Variants in GOLPH3 observed in about 807,000 individuals in gnomAD.
The protein encoded by GOLPH3 is coat protein GPP34.
A neutral mutation model predicts 28.5 loss-of-function variants in GOLPH3; 14 were observed. The ratio of observed to expected loss-of-function variants is 0.49; its 90% CI spans 0.32 to 0.77. The LOEUF is 0.77. GOLPH3 is among the 30% of genes least tolerant of loss of function. GOLPH3 has a pLI of 0.03. For missense variants in GOLPH3, 350 were observed against 393.7 expected, an observed-to-expected ratio of 0.89 and a Z score of 0.94; for synonymous variants, 158 against 159.2, an observed-to-expected ratio of 0.99 and a Z score of 0.06.
intron 1 of GOLPH3, among the ~76,000 whole-genome samples, chr5:32,173,054 C>T (rs73065671): frequency 0.022 from 3,414 of 152,200 alleles, 118 homozygotes; most frequent in African/African-American, 0.076. Context: ...GCAACTTCAA[C>T]CCACCTGAAG....
chr5:32,131,759 T>C (rs1251253227), intron 3 of GOLPH3, among the ~76,000 whole-genome samples: 1 of 152,212 alleles, frequency 6.6e-6, no homozygotes, highest in African/African-American at 2.4e-5. Context: ...TGCCCAACAA[T>C]CACTTTGGTG....
chr5:32,155,244 G>A (rs187235592), intron 1 of GOLPH3, among the ~76,000 whole-genome samples: 21 of 152,250 alleles, frequency 1.4e-4, no homozygotes, highest in African/African-American at 3.6e-4. Flanking sequence ...AGAGTGCAGT[G>A]GCTTGATCAT....
intron 3 of GOLPH3, among the ~76,000 whole-genome samples, chr5:32,127,504 A>G (rs1745709808): frequency 6.6e-6 from 1 of 152,252 alleles, no homozygotes; most frequent in African/African-American, 2.4e-5. Flanking sequence ...CACACTGTCC[A>G]TTACAGGAGC....
chr5:32,169,123 T>A (rs561973628), intron 1 of GOLPH3, among the ~76,000 whole-genome samples: 72 of 151,124 alleles, frequency 4.8e-4, no homozygotes, highest in East Asian at 3.9e-3. Context: ...AAAAAAAAAT[T>A]TTTTTTTAAT....
chr5:32,143,139 C>T (rs533055893), intron 2 of GOLPH3, among the ~76,000 whole-genome samples: 190 of 152,320 alleles, frequency 1.2e-3, no homozygotes, highest in Non-Finnish European at 2.0e-3. Context: ...TCCTGTTGAT[C>T]GGTGACCTTA....
At chr5:32,166,050 A>ATTC (rs1255651020) in intron 1 of GOLPH3, among the ~76,000 whole-genome samples, 1 of 152,240 alleles carries the variant, frequency 6.6e-6, no homozygotes, top group Non-Finnish European at 1.5e-5. Context: ...TGAGTATCTA[A>ATTC]TGAAAGTTCT....
intron 1 of GOLPH3, among the ~76,000 whole-genome samples, chr5:32,153,812 G>A (rs949483636): frequency 2.6e-5 from 4 of 152,026 alleles, no homozygotes; most frequent in African/African-American, 4.8e-5. Flanking sequence ...CTCTGTATAC[G>A]AAAGAGTCCT....
At chr5:32,170,724 C>A (rs1284240299) in intron 1 of GOLPH3, among the ~76,000 whole-genome samples, 2 of 151,846 alleles carry the variant, frequency 1.3e-5, no homozygotes, top group Non-Finnish European at 2.9e-5. Context: ...CACTTGAGCC[C>A]AGGAGTTTGA....
Position 32,147,022 on chromosome 5 carries a change from T to C in GOLPH3, c.226-3142A>G, listed in dbSNP as rs74574622. Among the ~76,000 whole-genome samples the C allele has an allele frequency of 6.5e-3, 996 of 152,312 alleles. 13 individuals are homozygous for C. The highest frequency in any genetic ancestry group is 0.022 in the African/African-American group (914 of 41,562). ...CAGGCCACGGGTTGGACAAGCTTGA[T>C]CTAAAGTGTAATCTTATTTTGAAGT... On this transcript the variant is annotated intron_variant, in intron 1 of 3. Coordinates refer to ENST00000265070, the MANE Select transcript of GOLPH3 (RefSeq NM_022130.4).
intron 3 of GOLPH3, among the ~76,000 whole-genome samples, chr5:32,128,463 G>A (rs1475865857): frequency 1.3e-5 from 2 of 152,052 alleles, no homozygotes; most frequent in African/African-American, 4.8e-5. Flanking sequence ...TTCGAGACTA[G>A]CCTGGCCAAC....
At chr5:32,136,802 A>G (rs1321113238) in intron 2 of GOLPH3, among the ~76,000 whole-genome samples, 1 of 152,240 alleles carries the variant, frequency 6.6e-6, no homozygotes, top group Non-Finnish European at 1.5e-5. Context: ...AGAAAATTCC[A>G]AAATCTTAAA....
intron 3 of GOLPH3, among the ~76,000 whole-genome samples, chr5:32,128,587 G>C (rs1465486138): frequency 1.3e-5 from 2 of 151,980 alleles, no homozygotes; most frequent in Non-Finnish European, 2.9e-5. Flanking sequence ...TAAACCGGGG[G>C]AGGGCAGAGG....
At chr5:32,139,767 G>A (rs1746015834) in intron 2 of GOLPH3, among the ~76,000 whole-genome samples, 1 of 152,010 alleles carries the variant, frequency 6.6e-6, no homozygotes, top group Non-Finnish European at 1.5e-5. Context: ...CAACACAGAA[G>A]AGATCAAAAA....
At chr5:32,142,224 G>C (rs989199812) in intron 2 of GOLPH3, among the ~76,000 whole-genome samples, 1 of 146,672 alleles carries the variant, frequency 6.8e-6, no homozygotes, top group Non-Finnish European at 1.5e-5. Context: ...GCCGCCCATC[G>C]TCTGAGATGC....
intron 3 of GOLPH3, among the ~76,000 whole-genome samples, chr5:32,131,198 G>A (rs540536488): frequency 2.0e-5 from 3 of 152,326 alleles, no homozygotes; most frequent in Admixed American, 6.5e-5. Flanking sequence ...GAAATCTCAC[G>A]AGCAGAAGGC....
At chr5:32,171,104 A>C (rs917023826) in intron 1 of GOLPH3, among the ~76,000 whole-genome samples, 4 of 152,210 alleles carry the variant, frequency 2.6e-5, no homozygotes, top group African/African-American at 9.6e-5. Flanking sequence ...AAACTTCAAC[A>C]AATTATTTAG....
chr5:32,128,882 A>C (rs1581535529), intron 3 of GOLPH3, among the ~76,000 whole-genome samples: 1 of 152,218 alleles, frequency 6.6e-6, no homozygotes, highest in East Asian at 1.9e-4. Flanking sequence ...GAGTCAACAG[A>C]AACAGTCCCA....
chr5:32,143,669 T>G, intron 2 of GOLPH3, 80 bp downstream of exon 2: 1 of 1,246,454 alleles, frequency 8.0e-7, no homozygotes, highest in Non-Finnish European at 1.1e-6. Context: ...CCACTTTAAT[T>G]TTTGAAGGCT....
chr5:32,140,957 G>A (rs532653755), intron 2 of GOLPH3, among the ~76,000 whole-genome samples: 21 of 152,176 alleles, frequency 1.4e-4, no homozygotes, highest in African/African-American at 4.8e-4. Context: ...GAGCCCAGGA[G>A]TTCGAGAGCA....
Sources: gnomAD v4.1 joint callset for allele counts (sites outside exome capture counted in the v4.1 genomes callset) on GRCh38, gnomAD v4.1.1 for gene constraint, MANE v1.5 for transcripts, NCBI Gene and HGNC (gene_info 2026-07-23, HGNC 2026-07-21) for gene names.